Variants in MCTP1 observed in about 807,000 individuals in gnomAD.
The protein encoded by MCTP1 is multiple C2 and transmembrane domain-containing protein 1.
Under a neutral mutation model 120.6 loss-of-function variants are expected in MCTP1, and 69 were observed. The observed-to-expected ratio is 0.57, with a 90% CI of 0.47 to 0.70. MCTP1 has a LOEUF of 0.70. Ranked by LOEUF, MCTP1 falls within the 30% of genes least tolerant of loss-of-function variation. The pLI, the probability that MCTP1 is intolerant of heterozygous loss-of-function variation, is 0.00. For missense variants in MCTP1, 1,203 were observed against 1,248.8 expected (o/e 0.96, Z 0.55); for synonymous variants, 529 against 493.1 (o/e 1.07, Z -0.96).
intron 2 of MCTP1, among the ~76,000 whole-genome samples, chr5:95,000,171 C>T (rs1363469497): frequency 6.6e-6 from 1 of 152,176 alleles, no homozygotes; most frequent in Non-Finnish European, 1.5e-5. Flanking sequence ...GCATTACACA[C>T]ATATTTGTGG....
At chr5:95,087,905 AGG>A (rs1755554164) in intron 1 of MCTP1, among the ~76,000 whole-genome samples, 1 of 152,142 alleles carries the variant, frequency 6.6e-6, no homozygotes, top group African/African-American at 2.4e-5. Context: ...GAGGGAGTTG[AGG>A]AGCAACTCAG....
At chr5:95,117,652 C>T (rs1221196678) in intron 1 of MCTP1, among the ~76,000 whole-genome samples, 1 of 152,084 alleles carries the variant, frequency 6.6e-6, no homozygotes, top group East Asian at 1.9e-4. Flanking sequence ...ACCCAGCAAT[C>T]CCATTACTGA....
intron 17 of MCTP1, among the ~76,000 whole-genome samples, chr5:94,845,183 TG>T (rs1215827645): frequency 6.6e-6 from 1 of 152,164 alleles, no homozygotes; most frequent in African/African-American, 2.4e-5. Context: ...TACCCAAGAC[TG>T]GGTAGTTTAT....
intron 1 of MCTP1, among the ~76,000 whole-genome samples, chr5:95,203,310 T>C (rs1195038632): frequency 6.6e-6 from 1 of 152,210 alleles, no homozygotes; most frequent in East Asian, 1.9e-4. Flanking sequence ...CTATAATGGA[T>C]TGAATTGTTG....
chr5:95,144,286 T>C (rs1760186633), intron 1 of MCTP1, among the ~76,000 whole-genome samples: 1 of 152,226 alleles, frequency 6.6e-6, no homozygotes, highest in African/African-American at 2.4e-5. Context: ...TTTAAGTTCC[T>C]TGTAGACTCT....
chr5:95,029,243 C>A (rs1250412096), intron 1 of MCTP1, among the ~76,000 whole-genome samples: 1 of 151,620 alleles, frequency 6.6e-6, no homozygotes, highest in Non-Finnish European at 1.5e-5. Context: ...ATGAGGAGAT[C>A]TATTATAAGA....
intron 17 of MCTP1, among the ~76,000 whole-genome samples, chr5:94,842,580 G>A (rs911668923): frequency 1.3e-5 from 2 of 152,120 alleles, no homozygotes; most frequent in Admixed American, 6.5e-5. Flanking sequence ...GGAACAAAGG[G>A]CCACAAGCAA....
intron 1 of MCTP1, among the ~76,000 whole-genome samples, chr5:95,059,915 T>C (rs1239549493): frequency 6.6e-6 from 1 of 152,122 alleles, no homozygotes. Flanking sequence ...TGAGATGCTG[T>C]TCTAGTCCAT....
chr5:94,706,731 TTAAAG>T lies in MCTP1; in HGVS notation c.*760_*764del, dbSNP rs1197186426. 7 of 151,816 alleles carry T rather than the reference TTAAAG, an allele frequency of 4.6e-5. No individual in the cohort carries two copies. Among genetic ancestry groups the T allele is most frequent in the Non-Finnish European group, 7.4e-5 (5 of 67,848 alleles). The allele number at this position is 151,816 out of a possible 1,614,324, so 9.4% of individuals were successfully genotyped here. On this transcript the variant is annotated 3_prime_UTR_variant, in exon 23 of 23. Coordinates refer to ENST00000515393, the MANE Select transcript of MCTP1 (RefSeq NM_024717.7). The stretch of plus-strand genomic sequence containing the variant: ...CTAATTTGCTAACTAACTGTATAAA[TTAAAG>T]TAGTGGTAGGTATAAAAATTCAGAT...
chr5:94,855,883 AATG>A (rs59648275), intron 17 of MCTP1, among the ~76,000 whole-genome samples: 11,169 of 151,758 alleles, frequency 0.074, 530 homozygotes, highest in East Asian at 0.24. Flanking sequence ...TTTAAAATAG[AATG>A]ATATTTTACA....
rs138523205 is a variant in MCTP1, at chr5:94,894,661, T to C, written c.1827A>G (p.Ile609Met). ...GTTACATACGTACATATCTCTTTAA[T>C]ATCTCCTCTCGTTCCTTCTGGTCCT... The part of the protein sequence containing the change: ...SLEDQKEREE[I>M]LKRYSPLRIF... The change falls in exon 11 of 23, where the codon ATA becomes ATG. Residue 609 changes from isoleucine to methionine, a missense_variant. By Grantham distance (10) the Ile-to-Met change is conservative (BLOSUM62 1). Coordinates refer to ENST00000515393, the MANE Select transcript of MCTP1 (RefSeq NM_024717.7). 25 of 1,604,662 alleles carry C rather than the reference T, an allele frequency of 1.6e-5. No homozygotes were observed. The highest frequency in any genetic ancestry group is 2.1e-5 in the Non-Finnish European group (25 of 1,172,666).
chr5:95,272,763 AG>A (rs1288799864), intron 1 of MCTP1, among the ~76,000 whole-genome samples: 1 of 152,178 alleles, frequency 6.6e-6, no homozygotes, highest in African/African-American at 2.4e-5. Context: ...AGAGAAAGCA[AG>A]GAAATCACAA....
intron 2 of MCTP1, among the ~76,000 whole-genome samples, chr5:94,963,826 C>T (rs1029892247): frequency 1.3e-5 from 2 of 152,058 alleles, no homozygotes; most frequent in Non-Finnish European, 2.9e-5. Flanking sequence ...GATGTATTCC[C>T]ATGTACCTAT....
intron 17 of MCTP1, among the ~76,000 whole-genome samples, chr5:94,812,467 A>C (rs2153069408): frequency 6.7e-6 from 1 of 150,068 alleles, no homozygotes; most frequent in Non-Finnish European, 1.5e-5. Flanking sequence ...AAAAAAAAAA[A>C]AACCCAAAAA....
intron 19 of MCTP1, among the ~76,000 whole-genome samples, chr5:94,717,778 A>AAAGAG (rs1759855113): frequency 1.3e-5 from 2 of 152,168 alleles, no homozygotes; most frequent in African/African-American, 2.4e-5. Context: ...CAATTGCTAC[A>AAAGAG]AAGAGAATAA....
chr5:94,994,404 T>A (rs1179497373), intron 2 of MCTP1, among the ~76,000 whole-genome samples: 2 of 152,204 alleles, frequency 1.3e-5, no homozygotes, highest in African/African-American at 4.8e-5. Flanking sequence ...ATCAAAACTC[T>A]TAGGAAAATA....
chr5:95,225,005 C>T (rs141889415), intron 1 of MCTP1, among the ~76,000 whole-genome samples: 1 of 152,276 alleles, frequency 6.6e-6, no homozygotes, highest in East Asian at 1.9e-4. Flanking sequence ...TATTAAGAGG[C>T]TTTTGCTGGA....
intron 2 of MCTP1, among the ~76,000 whole-genome samples, chr5:95,009,102 GA>G: frequency 8.9e-6 from 1 of 111,964 alleles, no homozygotes; most frequent in African/African-American, 2.9e-5. Flanking sequence ...GAGAGAGAGA[GA>G]GAGAGAAGCA....
At chr5:94,730,189 C>CA (rs1762871713) in intron 19 of MCTP1, among the ~76,000 whole-genome samples, 1 of 152,214 alleles carries the variant, frequency 6.6e-6, no homozygotes, top group South Asian at 2.1e-4. Flanking sequence ...GAGACAGGGT[C>CA]TCACTCTGTC....
Sources: allele counts gnomAD v4.1 joint callset (sites outside exome capture counted in the v4.1 genomes callset), GRCh38; gene constraint gnomAD v4.1.1; transcripts MANE v1.5; gene names NCBI Gene and HGNC (gene_info 2026-07-23, HGNC 2026-07-21).